DLGAP2: variants seen among roughly 807,000 people sequenced by gnomAD.
DLGAP2 encodes the protein disks large-associated protein 2.
DLGAP2 carries 26 observed loss-of-function variants against 100.3 expected under a neutral mutation model. The ratio of observed to expected loss-of-function variants is 0.26; its 90% CI spans 0.19 to 0.36. The LOEUF (loss-of-function observed/expected upper bound fraction) is 0.36. Among genes scored for constraint, DLGAP2 ranks in the 10% least tolerant of loss-of-function variants. DLGAP2 has a pLI of 1.00. For missense variants in DLGAP2, 1,858 were observed against 1,453.2 expected (o/e 1.28, Z -4.53); for synonymous variants, 886 against 630.1 (o/e 1.41, Z -6.08).
intron 2 of DLGAP2, among the ~76,000 whole-genome samples, chr8:1,133,172 C>G (rs1289883045): frequency 6.6e-6 from 1 of 152,168 alleles, no homozygotes; most frequent in Non-Finnish European, 1.5e-5. Flanking sequence ...TGATTACCTT[C>G]TTAACAAGCT....
intron 2 of DLGAP2, among the ~76,000 whole-genome samples, chr8:951,322 T>G (rs372201012): frequency 2.6e-4 from 39 of 151,990 alleles, no homozygotes; most frequent in Admixed American, 1.0e-3. Context: ...CTCGGCTCAC[T>G]GCAAACTCTG....
intron 5 of DLGAP2, among the ~76,000 whole-genome samples, chr8:1,563,428 T>C (rs1418506573): frequency 1.4e-5 from 1 of 73,142 alleles, no homozygotes; most frequent in Non-Finnish European, 2.7e-5. Flanking sequence ...GGTGTTGGGG[T>C]GTCCGCGCCT....
chr8:1,170,170 T>C (rs1177346760), intron 2 of DLGAP2, among the ~76,000 whole-genome samples: 2 of 152,260 alleles, frequency 1.3e-5, no homozygotes, highest in African/African-American at 4.8e-5. Context: ...GTTCTGTTTA[T>C]ATGCTGGATT....
At chr8:1,254,621 C>T (rs1386022567) in intron 2 of DLGAP2, among the ~76,000 whole-genome samples, 1 of 152,156 alleles carries the variant, frequency 6.6e-6, no homozygotes, top group Non-Finnish European at 1.5e-5. Context: ...AATAGGGTTT[C>T]AGAGCTTCGT....
At chr8:917,304 C>G (rs949952434) in intron 2 of DLGAP2, among the ~76,000 whole-genome samples, 23 of 147,312 alleles carry the variant, frequency 1.6e-4, no homozygotes, top group African/African-American at 5.7e-4. Flanking sequence ...AGTGGTGCAA[C>G]CACAGTTCAC....
At chr8:870,369 C>T (rs759082038) in intron 1 of DLGAP2, among the ~76,000 whole-genome samples, 3 of 152,254 alleles carry the variant, frequency 2.0e-5, no homozygotes, top group African/African-American at 4.8e-5. Flanking sequence ...CTCTTAAAAC[C>T]GGCATTCCTG....
intron 2 of DLGAP2, among the ~76,000 whole-genome samples, chr8:1,258,095 G>C (rs1799267220): frequency 6.6e-6 from 1 of 152,206 alleles, no homozygotes; most frequent in African/African-American, 2.4e-5. Flanking sequence ...CAAGTTCATA[G>C]TCACTCAGGG....
At chr8:840,994 A>T (rs1796973945) in intron 1 of DLGAP2, among the ~76,000 whole-genome samples, 1 of 152,214 alleles carries the variant, frequency 6.6e-6, no homozygotes, top group Admixed American at 6.5e-5. Context: ...GTCAGAAAGT[A>T]TTGACTGATG....
At chr8:1,160,972 G>A (rs368103079) in intron 2 of DLGAP2, among the ~76,000 whole-genome samples, 1 of 152,194 alleles carries the variant, frequency 6.6e-6, no homozygotes, top group Non-Finnish European at 1.5e-5. Context: ...TAGCCACCAA[G>A]ATGTTGGTGA....
At chr8:1,337,294 G>C (rs555614599) in intron 3 of DLGAP2, among the ~76,000 whole-genome samples, 125 of 150,900 alleles carry the variant, frequency 8.3e-4, no homozygotes, top group African/African-American at 2.9e-3. Context: ...TGGCGATGGT[G>C]ATGATGAGGA....
intron 3 of DLGAP2, among the ~76,000 whole-genome samples, chr8:1,420,979 C>T (rs922001088): frequency 2.0e-5 from 3 of 152,102 alleles, no homozygotes; most frequent in Non-Finnish European, 4.4e-5. Context: ...TCCCAAAGAG[C>T]GGGGTCCTCT....
intron 12 of DLGAP2, among the ~76,000 whole-genome samples, chr8:1,689,167 G>A (rs1234068469): frequency 6.6e-6 from 1 of 152,212 alleles, no homozygotes; most frequent in Non-Finnish European, 1.5e-5. Context: ...TCGACTTCTG[G>A]AAAGGCTGTC....
At chr8:1,098,794 A>G (rs1804484607) in intron 2 of DLGAP2, among the ~76,000 whole-genome samples, 1 of 129,842 alleles carries the variant, frequency 7.7e-6, no homozygotes, top group Non-Finnish European at 1.7e-5. Context: ...CCGGCCGCCC[A>G]CGGACGCCGC....
intron 2 of DLGAP2, among the ~76,000 whole-genome samples, chr8:1,006,458 T>C (rs12682553): frequency 0.33 from 34,518 of 104,688 alleles, 5,294 homozygotes; most frequent in Admixed American, 0.47. Flanking sequence ...TCTCAAGTCT[T>C]GGTATGTGGT....
At chr8:1,431,804 T>C (rs912339859) in intron 3 of DLGAP2, among the ~76,000 whole-genome samples, 1 of 152,226 alleles carries the variant, frequency 6.6e-6, no homozygotes, top group Non-Finnish European at 1.5e-5. Context: ...GATGCGTGCA[T>C]GACAGGGACT....
chr8:1,702,475 AAAG>A lies in DLGAP2; in HGVS notation c.*1075_*1077del, dbSNP rs1163704034. 6.6e-6 allele frequency: 1 copy of A among 152,642 alleles called. No individual in the cohort carries two copies. The highest frequency in any genetic ancestry group is 1.9e-4 in the East Asian group (1 of 5,196). The allele number at this position is 152,642 out of a possible 1,614,324, so 9.5% of individuals were successfully genotyped here. ...GTAAGTATATCTCAGTTTAAATGGTAAAGAAGAAATGTAGTTTACATTTGTATT... is the reference window on the plus strand; with the variant it reads ...GTAAGTATATCTCAGTTTAAATGGTAAAGAAATGTAGTTTACATTTGTATT... On this transcript the variant is annotated 3_prime_UTR_variant, in exon 15 of 15. Transcript: ENST00000637795.
chr8:1,043,915 G>A (rs1218837159), intron 2 of DLGAP2, among the ~76,000 whole-genome samples: 1 of 151,814 alleles, frequency 6.6e-6, no homozygotes, highest in Non-Finnish European at 1.5e-5. Flanking sequence ...GGAGAGACGG[G>A]CAGTGAGATC....
intron 2 of DLGAP2, chr8:1,248,586 T>G (rs1186660266): frequency 2.0e-5 from 3 of 147,386 alleles, no homozygotes; most frequent in African/African-American, 5.0e-5. Context: ...GGAAGACCTT[T>G]GAGATCAGTG....
At chr8:1,052,787 G>A (rs1802759428) in intron 2 of DLGAP2, among the ~76,000 whole-genome samples, 1 of 152,120 alleles carries the variant, frequency 6.6e-6, no homozygotes, top group Non-Finnish European at 1.5e-5. Flanking sequence ...ACATATAAGA[G>A]AGGCTGGGAG....
Sources: allele counts gnomAD v4.1 joint callset (sites outside exome capture counted in the v4.1 genomes callset), GRCh38; gene constraint gnomAD v4.1.1; transcripts MANE v1.5; gene names NCBI Gene and HGNC (gene_info 2026-07-23, HGNC 2026-07-21).